Variants in DCAF1 observed in about 807,000 individuals in gnomAD.
The protein encoded by DCAF1 is DDB1 and CUL4 associated factor 1.
Under a neutral mutation model 128.0 loss-of-function variants are expected in DCAF1, and 15 were observed. The ratio of observed to expected loss-of-function variants is 0.12; its 90% CI spans 0.08 to 0.18. The LOEUF is 0.18. Among genes scored for constraint, DCAF1 ranks in the 10% least tolerant of loss-of-function variants. DCAF1 has a pLI of 1.00. For missense variants in DCAF1, 988 were observed against 1,649.5 expected, an observed-to-expected ratio of 0.60 and a Z score of 6.95; for synonymous variants, 610 against 603.0, an observed-to-expected ratio of 1.01 and a Z score of -0.17.
chr3:51,463,002 A>T (rs776899796), intron 6 of DCAF1, 112 bp downstream of exon 6: 57 of 536,286 alleles, frequency 1.1e-4, no homozygotes, highest in Non-Finnish European at 1.6e-4. Flanking sequence ...TATAACATAT[A>T]TTACTATATG....
At chr3:51,402,491 G>A (rs2089780954) in intron 24 of DCAF1, among the ~76,000 whole-genome samples, 1 of 150,526 alleles carries the variant, frequency 6.6e-6, no homozygotes. Context: ...TTCATTTACG[G>A]ATTGTCTATG....
intron 2 of DCAF1, among the ~76,000 whole-genome samples, chr3:51,494,482 A>T (rs1708023099): frequency 6.6e-6 from 1 of 152,130 alleles, no homozygotes; most frequent in Non-Finnish European, 1.5e-5. Flanking sequence ...CAACACTGTG[A>T]ATCTACAAAC....
intron 2 of DCAF1, among the ~76,000 whole-genome samples, chr3:51,495,503 G>A (rs1285621078): frequency 3.3e-5 from 5 of 151,204 alleles, no homozygotes; most frequent in Non-Finnish European, 5.9e-5. Context: ...CATAAATAAA[G>A]GAAAATATAA....
At chr3:51,429,233 T>G (rs1559500609) in intron 12 of DCAF1, 28 bp downstream of exon 12, 1 of 742,894 alleles carries the variant, frequency 1.3e-6, no homozygotes, top group East Asian at 2.5e-5. Flanking sequence ...CTAACAGAAC[T>G]TTCCCTTTCA....
chr3:51,428,494 T>A (rs1256522121), intron 12 of DCAF1, among the ~76,000 whole-genome samples: 1 of 151,990 alleles, frequency 6.6e-6, no homozygotes, highest in African/African-American at 2.4e-5. Context: ...CCAGCCAATT[T>A]TTAAAATTTT....
At chr3:51,479,838 T>G (rs1324101149) in intron 3 of DCAF1, among the ~76,000 whole-genome samples, 2 of 151,858 alleles carry the variant, frequency 1.3e-5, no homozygotes, top group Non-Finnish European at 2.9e-5. Context: ...TACAATGTGG[T>G]ATAATGGGGG....
At chr3:51,469,394 C>T (rs181022055) in intron 4 of DCAF1, among the ~76,000 whole-genome samples, 2 of 151,950 alleles carry the variant, frequency 1.3e-5, no homozygotes, top group Admixed American at 1.3e-4. Context: ...TCATGTCTGG[C>T]TAATTTTGTA....
chr3:51,417,652 G>A (rs1328227155), intron 17 of DCAF1, among the ~76,000 whole-genome samples: 5 of 151,966 alleles, frequency 3.3e-5, no homozygotes, highest in African/African-American at 7.3e-5. Context: ...CCCGGGAGGC[G>A]GAGCTTGCAG....
Position 51,483,874 on chromosome 3 carries a change from T to C in DCAF1, c.-8-38A>G, listed in dbSNP as rs142236225. 376 of 1,386,882 alleles carry C rather than the reference T, an allele frequency of 2.7e-4. 1 individual carries two copies. Among genetic ancestry groups the C allele is most frequent in the Non-Finnish European group, 3.6e-4 (348 of 978,686 alleles). 85.9% of individuals were successfully genotyped at this position (1,386,882 alleles called of 1,614,324 possible). On this transcript the variant is annotated intron_variant, in intron 2 of 24. Transcript: ENST00000684031. ...AAATAAAAATAAAAAAGACAACCAA[T>C]AAATGAACACAAGCAAATAAAAGTG... is the stretch of plus-strand genomic sequence containing the variant.
At chr3:51,477,373 C>A (rs1705594895) in intron 3 of DCAF1, among the ~76,000 whole-genome samples, 1 of 150,626 alleles carries the variant, frequency 6.6e-6, no homozygotes, top group Non-Finnish European at 1.5e-5. Flanking sequence ...AGTAAAGAGA[C>A]CCACAATTTG....
intron 4 of DCAF1, among the ~76,000 whole-genome samples, chr3:51,470,312 G>A (rs1307300185): frequency 2.6e-5 from 4 of 152,168 alleles, no homozygotes; most frequent in Non-Finnish European, 5.9e-5. Flanking sequence ...TATAATCCCA[G>A]CACTTTGGGA....
intron 11 of DCAF1, 41 bp downstream of exon 11, chr3:51,429,992 G>A (rs191589420): frequency 1.3e-6 from 1 of 772,476 alleles, no homozygotes; most frequent in South Asian, 1.4e-5. Flanking sequence ...AGACAACCAG[G>A]ACCCTCAATC....
intron 6 of DCAF1, among the ~76,000 whole-genome samples, chr3:51,458,367 T>A (rs1168451615): frequency 2.6e-5 from 4 of 152,098 alleles, no homozygotes; most frequent in Non-Finnish European, 4.4e-5. Flanking sequence ...GAGCTAACTA[T>A]CCTAAATATA....
Position 51,409,663 on chromosome 3 carries a change from A to G in DCAF1, c.4212+2716T>C, listed in dbSNP as rs144171135. Among the ~76,000 whole-genome samples the G allele has an allele frequency of 1.9e-3, 296 of 152,330 alleles. 1 individual carries two copies. The highest frequency in any genetic ancestry group is 6.8e-3 in the South Asian group (33 of 4,832). Reference sequence around the variant, plus strand: ...ACAGCCACCCATACCATTGTAATGTACGCGCAAATGGCCTGACAACTGCAC... The same window carrying G: ...ACAGCCACCCATACCATTGTAATGTGCGCGCAAATGGCCTGACAACTGCAC... On this transcript the variant is annotated intron_variant, in intron 23 of 24. Transcript: ENST00000684031.
intron 6 of DCAF1, among the ~76,000 whole-genome samples, chr3:51,461,324 C>T (rs1703536624): frequency 6.6e-6 from 1 of 152,138 alleles, no homozygotes; most frequent in South Asian, 2.1e-4. Context: ...CTCACCATCA[C>T]TGGCCATCAG....
At chr3:51,436,544 T>C in intron 9 of DCAF1, 1 of 399,012 alleles carries the variant, frequency 2.5e-6, no homozygotes, top group Non-Finnish European at 5.1e-6. Flanking sequence ...ATAGACTGTA[T>C]ACCAATAATT....
chr3:51,396,020 G>A, downstream of DCAF1: 1 of 412,700 alleles, frequency 2.4e-6, no homozygotes, highest in Non-Finnish European at 4.4e-6. Flanking sequence ...AGTGGGTCTT[G>A]TCCTGTTGCA....
At chr3:51,457,083 GAGA>G (rs1387450352) in intron 6 of DCAF1, among the ~76,000 whole-genome samples, 19 of 152,188 alleles carry the variant, frequency 1.2e-4, no homozygotes, top group African/African-American at 4.6e-4. Context: ...GATGAGTTGA[GAGA>G]AGAAGGCTTC....
chr3:51,485,152 T>C (rs374931960), intron 2 of DCAF1, among the ~76,000 whole-genome samples: 2 of 152,012 alleles, frequency 1.3e-5, no homozygotes, highest in African/African-American at 4.8e-5. Context: ...TGACCTCAGG[T>C]GATCCACCCG....
Sources: allele counts gnomAD v4.1 joint callset (sites outside exome capture counted in the v4.1 genomes callset), GRCh38; gene constraint gnomAD v4.1.1; transcripts MANE v1.5; gene names NCBI Gene and HGNC (gene_info 2026-07-23, HGNC 2026-07-21).